FBXL20: variants seen among roughly 807,000 people sequenced by gnomAD.
The protein encoded by FBXL20 is F-box/LRR-repeat protein 20.
Under a neutral mutation model 64.0 loss-of-function variants are expected in FBXL20, and 11 were observed. The ratio of observed to expected loss-of-function variants is 0.17; its 90% CI spans 0.11 to 0.28. The LOEUF (loss-of-function observed/expected upper bound fraction) is 0.28, where lower values mean the gene tolerates loss of function less well. Among genes scored for constraint, FBXL20 ranks in the 10% least tolerant of loss-of-function variants. The probability of loss-of-function intolerance (pLI) is 1.00; values close to 1 mark genes in which losing one functional copy is unlikely to be tolerated. For synonymous variants in FBXL20, 184 were observed against 189.0 expected (o/e 0.97, Z 0.22); for missense variants, 303 against 526.2 (o/e 0.58, Z 4.15).
intron 1 of FBXL20, among the ~76,000 whole-genome samples, chr17:39,374,439 G>A (rs1567901311): frequency 1.3e-5 from 2 of 151,908 alleles, no homozygotes. Flanking sequence ...TACCTGGGAG[G>A]CTGAGGCATG....
intron 8 of FBXL20, among the ~76,000 whole-genome samples, chr17:39,281,704 T>G (rs2046951834): frequency 6.6e-6 from 1 of 152,168 alleles, no homozygotes; most frequent in Admixed American, 6.6e-5. Flanking sequence ...AGAACAAAGA[T>G]GAAGTAAACA....
At chr17:39,381,904 A>G (rs2048027461) in intron 1 of FBXL20, among the ~76,000 whole-genome samples, 1 of 147,238 alleles carries the variant, frequency 6.8e-6, no homozygotes, top group African/African-American at 2.5e-5. Flanking sequence ...AGACCATCCT[A>G]GCAAACATGG....
intron 6 of FBXL20, among the ~76,000 whole-genome samples, chr17:39,286,358 C>T (rs1227623059): frequency 6.6e-6 from 1 of 152,058 alleles, no homozygotes; most frequent in Non-Finnish European, 1.5e-5. Context: ...GGACCACAGA[C>T]ACACACCACC....
chr17:39,358,539 C>T (rs574780618), intron 1 of FBXL20, among the ~76,000 whole-genome samples: 6 of 152,032 alleles, frequency 3.9e-5, no homozygotes, highest in African/African-American at 7.2e-5. Flanking sequence ...AAAGATTATC[C>T]GGGCGTGGTG....
intron 5 of FBXL20, 163 bp from the exon 6 acceptor site, chr17:39,297,358 C>T: frequency 2.3e-6 from 1 of 436,284 alleles, no homozygotes; most frequent in Non-Finnish European, 4.1e-6. Context: ...CGGTTCTTGG[C>T]ATACCATCCC....
chr17:39,330,698 T>G (rs1001382197), intron 2 of FBXL20, among the ~76,000 whole-genome samples: 6 of 152,142 alleles, frequency 3.9e-5, no homozygotes, highest in African/African-American at 1.4e-4. Context: ...AGGGCCAAAG[T>G]CTCTCCCTGA....
At chr17:39,375,188 G>A (rs1448855433) in intron 1 of FBXL20, among the ~76,000 whole-genome samples, 3 of 152,102 alleles carry the variant, frequency 2.0e-5, no homozygotes, top group Non-Finnish European at 4.4e-5. Context: ...AAAAAGTGAC[G>A]AGGAGAAGAC....
chr17:39,350,518 C>CAAAA (rs5820287), intron 1 of FBXL20, among the ~76,000 whole-genome samples: 1 of 101,774 alleles, frequency 9.8e-6, no homozygotes, highest in Non-Finnish European at 2.1e-5. Context: ...AAAAAAGAAG[C>CAAAA]AAAAAAAAAA....
rs57117037 is a variant in FBXL20 at position 39,285,854 on chromosome 17, C to T, written c.399-281G>A. Among the ~76,000 whole-genome samples the T allele has an allele frequency of 7.1e-3, 1,074 of 152,318 alleles. 14 individuals are homozygous for T. The highest frequency in any genetic ancestry group is 0.025 in the African/African-American group (1,033 of 41,566). Reference sequence around the variant, plus strand: ...GTTAACAGCAATTGACAACATGATACTTAATGTGAGTTCGAAGAGATCTAT... The same window carrying T: ...GTTAACAGCAATTGACAACATGATATTTAATGTGAGTTCGAAGAGATCTAT... On this transcript the variant is annotated intron_variant, in intron 6 of 14. Transcript: ENST00000264658.
intron 1 of FBXL20, among the ~76,000 whole-genome samples, chr17:39,351,945 C>T (rs932576089): frequency 7.2e-5 from 11 of 152,138 alleles, no homozygotes; most frequent in South Asian, 2.1e-4. Flanking sequence ...TTTTCTATAA[C>T]GTACATAGCT....
chr17:39,287,851 C>T (rs1302433096), intron 6 of FBXL20, among the ~76,000 whole-genome samples: 2 of 152,136 alleles, frequency 1.3e-5, no homozygotes, highest in African/African-American at 4.8e-5. Context: ...ATGAGGGACC[C>T]AGTTTTTCCA....
chr17:39,340,402 G>A (rs903704469), intron 2 of FBXL20, among the ~76,000 whole-genome samples: 3 of 151,886 alleles, frequency 2.0e-5, no homozygotes, highest in African/African-American at 2.4e-5. Flanking sequence ...ACTAATTTCT[G>A]TATTTTTAGT....
At position 39,258,479 on chromosome 17, in the gene FBXL20, T is replaced by C. The variant is rs2046714293; in HGVS notation, c.*2981A>G. 1 of 152,264 alleles carries C rather than the reference T, an allele frequency of 6.6e-6. No individual in the cohort carries two copies. Among genetic ancestry groups the C allele is most frequent in the South Asian group, 2.1e-4 (1 of 4,836 alleles). 9.4% of individuals were successfully genotyped at this position (152,264 alleles called of 1,614,324 possible). ...AGTGCTGCACATCTCTGAGTCTTCA[T>C]TCTCTCTCACTTGACTCTGTTCTTG... On this transcript the variant is annotated 3_prime_UTR_variant, in exon 15 of 15. Coordinates refer to ENST00000264658, the MANE Select transcript of FBXL20 (RefSeq NM_032875.3).
intron 1 of FBXL20, among the ~76,000 whole-genome samples, chr17:39,350,548 C>G (rs542332438): frequency 6.7e-6 from 1 of 149,912 alleles, no homozygotes; most frequent in East Asian, 2.0e-4. Flanking sequence ...TAGCTAATTT[C>G]CTCCCTTGCT....
At chr17:39,290,336 G>A (rs1054950118) in intron 6 of FBXL20, among the ~76,000 whole-genome samples, 1 of 151,968 alleles carries the variant, frequency 6.6e-6, no homozygotes, top group African/African-American at 2.4e-5. Context: ...ACTTTCCTAT[G>A]AATCCAATTA....
chr17:39,287,986 T>TC (rs559012914), intron 6 of FBXL20, among the ~76,000 whole-genome samples: 17 of 149,968 alleles, frequency 1.1e-4, no homozygotes, highest in East Asian at 2.0e-4. Flanking sequence ...TTTTTTTTTT[T>TC]TGAGATGGAC....
chr17:39,374,506 A>G (rs558943664), intron 1 of FBXL20, among the ~76,000 whole-genome samples: 4 of 151,860 alleles, frequency 2.6e-5, no homozygotes, highest in Admixed American at 6.6e-5. Context: ...GCACCAGTGC[A>G]CTCCAGCCAA....
Position 39,291,960 on chromosome 17 carries a change from G to T in FBXL20, c.398+5167C>A, listed in dbSNP as rs546302865. The stretch of plus-strand genomic sequence containing the variant: ...TGTTATTAATTTCTACTTTAATTTT[G>T]TTGAGGTCACAGAACATACCCAATA... On this transcript the variant is annotated intron_variant, in intron 6 of 14. Transcript: ENST00000264658. Among the ~76,000 whole-genome samples the T allele has an allele frequency of 7.9e-5, 11 of 139,988 alleles. 1 individual carries two copies. Among genetic ancestry groups the T allele is most frequent in the Admixed American group, 1.4e-4 (2 of 14,558 alleles). The allele number at this position is 139,988 out of a possible 152,430, so 91.8% of individuals were successfully genotyped here. A position where few individuals can be genotyped will look rare whatever the true frequency, so the allele number is the denominator to read the frequency against.
intron 10 of FBXL20, 31 bp downstream of exon 10, chr17:39,274,939 G>T: frequency 6.2e-7 from 1 of 1,610,912 alleles, no homozygotes; most frequent in Non-Finnish European, 8.5e-7. Context: ...TTTGTTCTAT[G>T]ATTTTTTTGA....
Sources: gnomAD v4.1 joint callset for allele counts (sites outside exome capture counted in the v4.1 genomes callset) on GRCh38, gnomAD v4.1.1 for gene constraint, MANE v1.5 for transcripts, NCBI Gene and HGNC (gene_info 2026-07-23, HGNC 2026-07-21) for gene names.